EIF3E: variants seen among roughly 807,000 people sequenced by gnomAD.
The protein encoded by EIF3E is eIF-3 p48.
EIF3E carries 25 observed loss-of-function variants against 59.3 expected under a neutral mutation model. The observed-to-expected ratio is 0.42, with a 90% confidence interval of 0.31 to 0.59. The LOEUF is 0.59. EIF3E is among the 20% of genes least tolerant of loss of function. EIF3E has a pLI of 0.15. For synonymous variants in EIF3E, 176 were observed against 170.2 expected (o/e 1.03, Z -0.26); for missense variants, 317 against 534.3 (o/e 0.59, Z 4.01).
intron 7 of EIF3E, among the ~76,000 whole-genome samples, chr8:108,226,724 C>T (rs770283403): frequency 7.2e-5 from 11 of 152,030 alleles, no homozygotes; most frequent in Admixed American, 3.3e-4. Context: ...GGATATATTC[C>T]CATATGCACA....
rs1402460524 is a variant in EIF3E, at chr8:108,201,363, T to C, written c.*522A>G. 1 of 151,630 alleles carries C rather than the reference T, an allele frequency of 6.6e-6. No individual in the cohort carries two copies. The highest frequency in any genetic ancestry group is 2.4e-5 in the African/African-American group (1 of 41,234). 9.4% of individuals were successfully genotyped at this position (151,630 alleles called of 1,614,324 possible). ...TTATGTAATTCCATTTATATAACATTCTCATAATGACAAAATATAGCGATG... is the reference window on the plus strand; with the variant it reads ...TTATGTAATTCCATTTATATAACATCCTCATAATGACAAAATATAGCGATG... On this transcript the variant is annotated 3_prime_UTR_variant, in exon 13 of 13. Coordinates refer to ENST00000220849, the MANE Select transcript of EIF3E (RefSeq NM_001568.3).
At position 108,201,663 on chromosome 8, in the gene EIF3E, A is replaced by C; in HGVS notation, c.*222T>G. ...GGGACTTCTCTGTACTATTTTTGCA[A>C]ATTCCTCTGAATATAATTATTCCAA... is the stretch of plus-strand genomic sequence containing the variant. On this transcript the variant is annotated 3_prime_UTR_variant, in exon 13 of 13. Transcript: ENST00000220849. The C allele has an allele frequency of 2.5e-6, 1 of 393,684 alleles. No individual in the cohort carries two copies. The highest frequency in any genetic ancestry group is 4.5e-6 in the Non-Finnish European group (1 of 221,544). The allele number at this position is 393,684 out of a possible 1,614,324, so 24.4% of individuals were successfully genotyped here.
chr8:108,208,341 T>C (rs1009538161), intron 10 of EIF3E, among the ~76,000 whole-genome samples: 1 of 152,116 alleles, frequency 6.6e-6, no homozygotes, highest in Non-Finnish European at 1.5e-5. Context: ...GGCCAACTAT[T>C]CAGCATATCC....
chr8:108,222,260 C>G (rs1388034442), intron 7 of EIF3E, among the ~76,000 whole-genome samples: 1 of 152,150 alleles, frequency 6.6e-6, no homozygotes, highest in Non-Finnish European at 1.5e-5. Flanking sequence ...CCCAGGCAGG[C>G]TTCAAAACCC....
chr8:108,202,156 G>A (rs1040041088), intron 12 of EIF3E, among the ~76,000 whole-genome samples: 1 of 151,606 alleles, frequency 6.6e-6, no homozygotes, highest in African/African-American at 2.4e-5. Flanking sequence ...AGCAATAACA[G>A]TATCATTAAT....
At chr8:108,225,627 A>T (rs919631552) in intron 7 of EIF3E, among the ~76,000 whole-genome samples, 1 of 151,610 alleles carries the variant, frequency 6.6e-6, no homozygotes, top group African/African-American at 2.4e-5. Context: ...GTTTTATTTT[A>T]TCTGTACTTC....
chr8:108,207,062 G>A (rs1461186672), intron 10 of EIF3E, among the ~76,000 whole-genome samples: 2 of 152,090 alleles, frequency 1.3e-5, no homozygotes, highest in African/African-American at 2.4e-5. Flanking sequence ...CCTGAAATAA[G>A]GCCCAAGGAA....
intron 7 of EIF3E, 61 bp from the exon 8 acceptor site, chr8:108,217,521 G>A (rs753080338): frequency 6.1e-5 from 86 of 1,409,624 alleles, no homozygotes; most frequent in Non-Finnish European, 7.1e-5. Flanking sequence ...GAAAACTCTC[G>A]AGCAGGTCAT....
Position 108,225,757 on chromosome 8 carries a change from A to G in EIF3E, c.722+2510T>C, listed in dbSNP as rs891139337. ...TGTGAAGCTAGGTTTTTCATCCTAC[A>G]GTTAAAGCACATCACAACAGACTGC... On this transcript the variant is annotated intron_variant, in intron 7 of 12. Transcript: ENST00000220849. 3.3e-4 allele frequency among the ~76,000 whole-genome samples: 50 copies of G among 151,644 alleles called. 4 individuals carry two copies. The highest frequency in any genetic ancestry group is 1.2e-3 in the African/African-American group (49 of 40,922).
intron 5 of EIF3E, among the ~76,000 whole-genome samples, chr8:108,230,745 C>A (rs1815607487): frequency 6.6e-6 from 1 of 151,922 alleles, no homozygotes; most frequent in Admixed American, 6.6e-5. Context: ...TTTTAATAGG[C>A]AAAAACGAAA....
At chr8:108,212,378 C>T (rs1255797032) in intron 10 of EIF3E, among the ~76,000 whole-genome samples, 1 of 152,208 alleles carries the variant, frequency 6.6e-6, no homozygotes, top group African/African-American at 2.4e-5. Flanking sequence ...CATAGAAACA[C>T]ATTTTCAGAT....
Position 108,209,846 on chromosome 8 carries a change from T to C in EIF3E, c.1061+4761A>G, listed in dbSNP as rs1815173874. ...GGTGGCAGGGAAGAGGGTACCACTA[T>C]AAAAGAGCAGCTTGAAGGATCCTTG... On this transcript the variant is annotated intron_variant, in intron 10 of 12. Coordinates refer to ENST00000220849, the MANE Select transcript of EIF3E (RefSeq NM_001568.3). Among the ~76,000 whole-genome samples the C allele has an allele frequency of 3.3e-5, 5 of 152,284 alleles. No individual in the cohort carries two copies. The South Asian group carries it at 1.0e-3, about 32-fold the overall frequency.
chr8:108,204,592 A>G (rs1477965434), intron 10 of EIF3E, among the ~76,000 whole-genome samples: 1 of 151,998 alleles, frequency 6.6e-6, no homozygotes, highest in African/African-American at 2.4e-5. Context: ...AATTTTTAAA[A>G]AAGTAAGCCT....
intron 7 of EIF3E, among the ~76,000 whole-genome samples, chr8:108,222,036 T>C (rs995071021): frequency 1.3e-5 from 2 of 152,142 alleles, no homozygotes; most frequent in South Asian, 4.1e-4. Context: ...AGTATCACCA[T>C]GGCTCCAGGC....
Position 108,201,853 on chromosome 8 carries a change from A to G in EIF3E, c.*32T>C, listed in dbSNP as rs767296205. The G allele has an allele frequency of 4.1e-6, 6 of 1,457,680 alleles. No homozygotes were observed. The Admixed American group carries it at 1.4e-4, about 35-fold the overall frequency. The allele number at this position is 1,457,680 out of a possible 1,614,324, so 90.3% of individuals were successfully genotyped here. A position where few individuals can be genotyped will look rare whatever the true frequency, so the allele number is the denominator to read the frequency against. ...TTTTATTATTTCATCTTTCTTTGAT[A>G]GTTTTTTTTTTCATCTTTTCTTTAT... On this transcript the variant is annotated 3_prime_UTR_variant, in exon 13 of 13. Coordinates refer to ENST00000220849, the MANE Select transcript of EIF3E (RefSeq NM_001568.3).
At chr8:108,206,596 A>ATG (rs374867346) in intron 10 of EIF3E, among the ~76,000 whole-genome samples, 57,700 of 138,500 alleles carry the variant, frequency 0.42, 11,435 homozygotes, top group East Asian at 0.49. Flanking sequence ...ACATGTGCAC[A>ATG]CACACACACA....
chr8:108,229,274 C>T lies in EIF3E; in HGVS notation c.472-79G>A, dbSNP rs1015032110. The T allele has an allele frequency of 6.4e-5, 90 of 1,413,458 alleles. 1 individual carries two copies. In the Admixed American group the frequency reaches 1.9e-3, roughly 30 times the overall value. The allele number at this position is 1,413,458 out of a possible 1,614,324, so 87.6% of individuals were successfully genotyped here. ...TAATGTATGTTTTATACCCATGTATCCCTCTAGCCTACTAAAAGACCTATA... is the reference window on the plus strand; with the variant it reads ...TAATGTATGTTTTATACCCATGTATTCCTCTAGCCTACTAAAAGACCTATA... On this transcript the variant is annotated intron_variant, in intron 5 of 12. Transcript: ENST00000220849.
At position 108,240,161 on chromosome 8, in the gene EIF3E, T is replaced by A; in HGVS notation, c.206-86A>T. Reference sequence around the variant, plus strand: ...ATGAGAATGTCTGGAAATTTTTCAGTGTATTTAAACTATACATATATTTAT... The same window carrying A: ...ATGAGAATGTCTGGAAATTTTTCAGAGTATTTAAACTATACATATATTTAT... On this transcript the variant is annotated intron_variant, in intron 2 of 12. Coordinates refer to ENST00000220849, the MANE Select transcript of EIF3E (RefSeq NM_001568.3). 2.7e-6 allele frequency: 3 copies of A among 1,091,050 alleles called. No individual in the cohort carries two copies. In the South Asian group the frequency reaches 3.7e-5, roughly 14 times the overall value. 67.6% of individuals were successfully genotyped at this position (1,091,050 alleles called of 1,614,324 possible).
At chr8:108,219,878 C>T (rs913098050) in intron 7 of EIF3E, among the ~76,000 whole-genome samples, 5 of 152,098 alleles carry the variant, frequency 3.3e-5, no homozygotes, top group Admixed American at 6.6e-5. Context: ...CATGGTGGCT[C>T]ATGCCTGTAA....
Sources: allele counts gnomAD v4.1 joint callset (sites outside exome capture counted in the v4.1 genomes callset), GRCh38; gene constraint gnomAD v4.1.1; transcripts MANE v1.5; gene names NCBI Gene and HGNC (gene_info 2026-07-23, HGNC 2026-07-21).